Variants in LPIN2 observed in about 807,000 individuals in gnomAD.
The protein encoded by LPIN2 is phosphatidate phosphatase LPIN2.
LPIN2 carries 55 observed loss-of-function variants against 111.4 expected under a neutral mutation model. The ratio of observed to expected loss-of-function variants is 0.49; its 90% CI spans 0.40 to 0.62. The LOEUF (loss-of-function observed/expected upper bound fraction) is 0.62. LPIN2 is among the 20% of genes least tolerant of loss of function. The pLI is 0.00. For synonymous variants in LPIN2, 425 were observed against 414.0 expected, an observed-to-expected ratio of 1.03 and a Z score of -0.32; for missense variants, 992 against 1,112.1, an observed-to-expected ratio of 0.89 and a Z score of 1.54.
intron 4 of LPIN2, among the ~76,000 whole-genome samples, chr18:2,947,444 G>C (rs111994900): frequency 6.6e-6 from 1 of 152,156 alleles, no homozygotes; most frequent in Non-Finnish European, 1.5e-5. Flanking sequence ...TTTAGGAAGG[G>C]AGGGAGACTT....
intron 4 of LPIN2, among the ~76,000 whole-genome samples, chr18:2,944,248 A>G (rs1170017876): frequency 6.6e-6 from 1 of 151,294 alleles, no homozygotes; most frequent in East Asian, 1.9e-4. Flanking sequence ...AAAAACTCCA[A>G]AACAAGCTAT....
In LPIN2 at chr18:2,934,456, T is replaced by TAAAA; in HGVS notation, c.1169-10_1169-7dup. On this transcript the variant is annotated splice_region_variant and splice_polypyrimidine_tract_variant and intron_variant, in intron 7 of 19. Transcript: ENST00000677752. ...TTGGCTTCTTTTGTGAACACCTGTT[T>TAAAA]AAAAAAAAAATCAGAGGTAAGAATT... 6.7e-7 allele frequency: 1 copy of TAAAA among 1,499,686 alleles called. No homozygotes were observed. Among genetic ancestry groups the TAAAA allele is most frequent in the Non-Finnish European group, 9.2e-7 (1 of 1,091,514 alleles). The allele number at this position is 1,499,686 out of a possible 1,614,324, so 92.9% of individuals were successfully genotyped here.
intron 2 of LPIN2, among the ~76,000 whole-genome samples, chr18:2,958,983 T>C (rs562447296): frequency 6.6e-6 from 1 of 152,126 alleles, no homozygotes; most frequent in African/African-American, 2.4e-5. Flanking sequence ...AATAGATCCA[T>C]ACACAACTAA....
intron 9 of LPIN2, 48 bp from the exon 10 acceptor site, chr18:2,929,206 CTA>C (rs765184047): frequency 1.7e-6 from 2 of 1,165,134 alleles, no homozygotes; most frequent in East Asian, 2.3e-5. Context: ...ACATAAATCC[CTA>C]TATGAGATTA....
chr18:2,946,185 C>A (rs777239750), intron 4 of LPIN2: 1 of 1,609,970 alleles, frequency 6.2e-7, no homozygotes, highest in East Asian at 2.2e-5. Flanking sequence ...ATTTTTAATT[C>A]CAAATTTGTC....
chr18:2,968,533 C>CTA (rs2077846271), intron 1 of LPIN2, among the ~76,000 whole-genome samples: 1 of 151,872 alleles, frequency 6.6e-6, no homozygotes, highest in African/African-American at 2.4e-5. Flanking sequence ...TATGATAATG[C>CTA]TATTTGGGAG....
chr18:2,922,483 G>A (rs2077069672), intron 16 of LPIN2, among the ~76,000 whole-genome samples: 2 of 152,036 alleles, frequency 1.3e-5, no homozygotes, highest in African/African-American at 2.4e-5. Context: ...CACCATGTTG[G>A]CTAGATTGGT....
chr18:3,008,649 C>T (rs958520879), intron 1 of LPIN2, among the ~76,000 whole-genome samples: 1 of 152,152 alleles, frequency 6.6e-6, no homozygotes, highest in Non-Finnish European at 1.5e-5. Context: ...TCTAATACAG[C>T]TTAGTCATAA....
chr18:2,968,065 A>G (rs926933542), intron 1 of LPIN2, among the ~76,000 whole-genome samples: 1 of 152,090 alleles, frequency 6.6e-6, no homozygotes, highest in Non-Finnish European at 1.5e-5. Flanking sequence ...AAGAGCCCCA[A>G]ATGTCTCCTC....
intron 1 of LPIN2, among the ~76,000 whole-genome samples, chr18:2,971,487 C>CT (rs981821852): frequency 6.2e-4 from 94 of 152,250 alleles, no homozygotes; most frequent in African/African-American, 2.2e-3. Context: ...CCTTCAAACT[C>CT]TTGAGTTCCG....
chr18:2,926,490 C>G (rs2077133207), intron 13 of LPIN2, among the ~76,000 whole-genome samples: 1 of 152,204 alleles, frequency 6.6e-6, no homozygotes, highest in African/African-American at 2.4e-5. Flanking sequence ...ACGGCCCCTT[C>G]CCATACGCTG....
chr18:2,928,260 T>G (rs569753965), intron 11 of LPIN2, among the ~76,000 whole-genome samples: 38 of 152,356 alleles, frequency 2.5e-4, no homozygotes, highest in African/African-American at 8.4e-4. Flanking sequence ...TCTTGCTGCT[T>G]CTTCCCATAT....
chr18:2,921,703 G>T, intron 17 of LPIN2, 56 bp from the exon 18 acceptor site: 1 of 1,264,200 alleles, frequency 7.9e-7, no homozygotes, highest in Non-Finnish European at 1.2e-6. Context: ...TTTCCCCAGT[G>T]AGTGGTCCTA....
chr18:3,006,995 G>A (rs911693927), intron 1 of LPIN2, among the ~76,000 whole-genome samples: 37 of 138,106 alleles, frequency 2.7e-4, no homozygotes, highest in African/African-American at 1.1e-3. Flanking sequence ...GTGAGACCTT[G>A]TCTCTTTAAA....
In LPIN2 at chr18:2,925,347, CGAG is replaced by C; in HGVS notation, c.1812_1814del (p.Ser606del). On this transcript the variant is annotated inframe_deletion, in exon 14 of 20. Transcript: ENST00000677752. This position sits in a 1 kb window ranked among gnomAD's most constrained non-coding sequence, Gnocchi z 4.1. ...CGAGCTCCTGTGATCCCTCGTCACT[CGAG>C]GAGTCATTCTCGGCCGGCCTGTTCA... 2 of 1,614,014 alleles carry C rather than the reference CGAG, an allele frequency of 1.2e-6. No homozygotes were observed. The highest frequency in any genetic ancestry group is 1.7e-6 in the Non-Finnish European group (2 of 1,180,008).
intron 1 of LPIN2, among the ~76,000 whole-genome samples, chr18:2,962,387 A>G (rs1352785760): frequency 6.6e-6 from 1 of 152,246 alleles, no homozygotes; most frequent in African/African-American, 2.4e-5. Context: ...TCAAACAATT[A>G]TAATCTGGTG....
Position 2,925,347 on chromosome 18 carries a change from C to A in LPIN2, c.1815G>T (p.Ser605=). Reference sequence around the variant, plus strand: ...CGAGCTCCTGTGATCCCTCGTCACTCGAGGAGTCATTCTCGGCCGGCCTGT... The same window carrying A: ...CGAGCTCCTGTGATCCCTCGTCACTAGAGGAGTCATTCTCGGCCGGCCTGT... ...AGARPAENDS[S]SDEGSQELEE... is the part of the protein sequence containing the mutation. Residue 605 remains serine (S), a synonymous_variant, in exon 14 of 20, where the codon TCG becomes TCT. Coordinates refer to ENST00000677752, the MANE Select transcript of LPIN2 (RefSeq NM_001375808.2). The surrounding 1 kb of genome is among the most constrained non-coding windows in gnomAD (Gnocchi z 4.1). 6.2e-7 allele frequency: 1 copy of A among 1,614,014 alleles called. No individual in the cohort carries two copies. Among genetic ancestry groups the A allele is most frequent in the Non-Finnish European group, 8.5e-7 (1 of 1,180,008 alleles).
intron 19 of LPIN2, 131 bp downstream of exon 19, chr18:2,920,647 C>G: frequency 1.2e-6 from 1 of 807,882 alleles, no homozygotes; most frequent in Non-Finnish European, 2.1e-6. Context: ...GAGATACCCA[C>G]AGAGGAGATG....
intron 1 of LPIN2, among the ~76,000 whole-genome samples, chr18:2,994,800 G>C (rs1035886016): frequency 6.6e-6 from 1 of 152,110 alleles, no homozygotes; most frequent in Non-Finnish European, 1.5e-5. Flanking sequence ...CCCCGGCGGC[G>C]GGTGGGGGCG....
Sources: gnomAD v4.1 joint callset for allele counts (sites outside exome capture counted in the v4.1 genomes callset) on GRCh38, gnomAD v4.1.1 for gene constraint, Gnocchi (gnomAD v3.1) non-coding constraint, MANE v1.5 for transcripts, NCBI Gene and HGNC (gene_info 2026-07-23, HGNC 2026-07-21) for gene names.